The following CTDSPL2 variants were observed in gnomAD, a reference collection of about 807,000 sequenced individuals.
The protein encoded by CTDSPL2 is CTD small phosphatase-like protein 2.
Under a neutral mutation model 60.0 loss-of-function variants are expected in CTDSPL2, and 5 were observed. The observed-to-expected ratio is 0.08, with a 90% CI of 0.04 to 0.18. The LOEUF (loss-of-function observed/expected upper bound fraction) is 0.18. Among genes scored for constraint, CTDSPL2 ranks in the 10% least tolerant of loss-of-function variants. The pLI is 1.00. For synonymous variants in CTDSPL2, 186 were observed against 189.3 expected (o/e 0.98, Z 0.14); for missense variants, 370 against 548.8 (o/e 0.67, Z 3.26).
intron 5 of CTDSPL2, among the ~76,000 whole-genome samples, chr15:44,494,010 A>G (rs1235167935): frequency 2.6e-5 from 4 of 152,202 alleles, no homozygotes; most frequent in Non-Finnish European, 5.9e-5. Context: ...TAATTGCACA[A>G]AAGATTAATT....
In CTDSPL2 at chr15:44,433,459, TACAC is replaced by T. The variant is rs56657073; in HGVS notation, c.-25+5712_-25+5715del. The stretch of plus-strand genomic sequence containing the variant: ...TTTAAATGTTTTATATACATATATA[TACAC>T]ACACACACACACACACACACACACT... On this transcript the variant is annotated intron_variant, in intron 1 of 12. Coordinates refer to ENST00000260327, the MANE Select transcript of CTDSPL2 (RefSeq NM_016396.3). Among the ~76,000 whole-genome samples the T allele has an allele frequency of 6.9e-3, 1,018 of 147,604 alleles. 12 individuals carry two copies. The highest frequency in any genetic ancestry group is 0.021 in the African/African-American group (864 of 40,222).
chr15:44,498,916 G>GT (rs1466620018), intron 7 of CTDSPL2, among the ~76,000 whole-genome samples: 1 of 152,096 alleles, frequency 6.6e-6, no homozygotes, highest in Non-Finnish European at 1.5e-5. Flanking sequence ...TCTACTTAAA[G>GT]TAAGATGCTT....
At position 44,484,301 on chromosome 15, in the gene CTDSPL2, A is replaced by G; in HGVS notation, c.264A>G (p.Arg88=). The G allele has an allele frequency of 6.2e-7, 1 of 1,613,674 alleles. No homozygotes were observed. The highest frequency in any genetic ancestry group is 8.5e-7 in the Non-Finnish European group (1 of 1,179,606). Residue 88 remains arginine, a synonymous_variant, in exon 3 of 13, where the codon AGA becomes AGG. Coordinates refer to ENST00000260327, the MANE Select transcript of CTDSPL2 (RefSeq NM_016396.3). ...ACAATTTGATCACGTCAACACCAAG[A>G]GCAGGAGAAAAACCTAACAAACAGA... The part of the protein sequence containing the change: ...IDNNLITSTP[R]AGEKPNKQIS...
chr15:44,458,087 T>C (rs929287626), intron 1 of CTDSPL2, among the ~76,000 whole-genome samples: 2 of 152,226 alleles, frequency 1.3e-5, no homozygotes, highest in Non-Finnish European at 2.9e-5. Flanking sequence ...TGAATAGCTT[T>C]ATTGTCCTTT....
chr15:44,429,346 C>T (rs908878566), intron 1 of CTDSPL2, among the ~76,000 whole-genome samples: 8 of 152,050 alleles, frequency 5.3e-5, no homozygotes, highest in African/African-American at 1.9e-4. Context: ...AAAATGGAGC[C>T]AAATATGCAA....
intron 1 of CTDSPL2, among the ~76,000 whole-genome samples, chr15:44,455,839 ATTTTTTTTTTTTTTT>A (rs35307134): frequency 1.1e-4 from 5 of 47,510 alleles, no homozygotes; most frequent in South Asian, 9.3e-4. Context: ...TTTATTGAGG[ATTTTTTTTTTTTTTT>A]TTTTTTTTTT....
intron 4 of CTDSPL2, among the ~76,000 whole-genome samples, chr15:44,489,887 C>A (rs770078190): frequency 6.6e-6 from 1 of 151,972 alleles, no homozygotes; most frequent in African/African-American, 2.4e-5. Flanking sequence ...GGAAAACCAG[C>A]GATTGGATAG....
At chr15:44,449,263 G>A (rs1490309269) in intron 1 of CTDSPL2, 1 of 246,296 alleles carries the variant, frequency 4.1e-6, no homozygotes, top group Non-Finnish European at 8.5e-6. Context: ...CTTCCACTCA[G>A]ACTATGCTTG....
Position 44,499,719 on chromosome 15 carries a change from A to G in CTDSPL2, c.883-8A>G, listed in dbSNP as rs1352304176. 6.5e-7 allele frequency: 1 copy of G among 1,532,230 alleles called. No homozygotes were observed. The highest frequency in any genetic ancestry group is 2.3e-5 in the East Asian group (1 of 44,188). 94.9% of individuals were successfully genotyped at this position (1,532,230 alleles called of 1,614,324 possible). On this transcript the variant is annotated splice_polypyrimidine_tract_variant and splice_region_variant and intron_variant, in intron 7 of 12. Transcript: ENST00000260327. ...TTGTTTCATTCAATTTCTGTTTTTT[A>G]TTTTAAGGATGAAACACTAGTGCAT...
chr15:44,490,682 A>C (rs1224692408), intron 4 of CTDSPL2, 102 bp from the exon 5 acceptor site: 1 of 834,500 alleles, frequency 1.2e-6, no homozygotes, highest in African/African-American at 1.7e-5. Context: ...TTCCTGCAGG[A>C]ATGATCAGTC....
At chr15:44,507,927 A>G (rs1186052731) in intron 8 of CTDSPL2, among the ~76,000 whole-genome samples, 1 of 152,184 alleles carries the variant, frequency 6.6e-6, no homozygotes. Context: ...CAACCACCTT[A>G]TGATGTAGAT....
intron 2 of CTDSPL2, among the ~76,000 whole-genome samples, chr15:44,471,243 A>C (rs2080803900): frequency 6.6e-6 from 1 of 152,094 alleles, no homozygotes. Flanking sequence ...TTGTCTATTT[A>C]AGTTGTTTCT....
At chr15:44,442,367 A>G (rs939497905) in intron 1 of CTDSPL2, among the ~76,000 whole-genome samples, 1 of 151,738 alleles carries the variant, frequency 6.6e-6, no homozygotes. Context: ...GAATTGCTTG[A>G]ATCTGGGAGG....
At chr15:44,494,087 T>C (rs541562384) in intron 5 of CTDSPL2, among the ~76,000 whole-genome samples, 1 of 152,264 alleles carries the variant, frequency 6.6e-6, no homozygotes, top group South Asian at 2.1e-4. Flanking sequence ...TTTTATTGGG[T>C]TCTACTTTAA....
intron 1 of CTDSPL2, among the ~76,000 whole-genome samples, chr15:44,429,621 A>G (rs2079816677): frequency 6.6e-6 from 1 of 152,194 alleles, no homozygotes; most frequent in African/African-American, 2.4e-5. Context: ...TAATCCCAGC[A>G]CTTTGGGAGG....
chr15:44,466,510 A>G (rs753525324), intron 2 of CTDSPL2, among the ~76,000 whole-genome samples: 4 of 152,196 alleles, frequency 2.6e-5, no homozygotes, highest in Non-Finnish European at 5.9e-5. Flanking sequence ...TCACTTGACA[A>G]TCTGAAATGC....
intron 4 of CTDSPL2, among the ~76,000 whole-genome samples, chr15:44,489,355 G>C (rs1428010824): frequency 6.6e-6 from 1 of 152,160 alleles, no homozygotes; most frequent in East Asian, 1.9e-4. Context: ...CAGTTTGACA[G>C]TGTATTTAAG....
intron 1 of CTDSPL2, among the ~76,000 whole-genome samples, chr15:44,443,648 C>A (rs185723326): frequency 3.3e-5 from 5 of 151,908 alleles, no homozygotes; most frequent in Non-Finnish European, 5.9e-5. Context: ...TTAGCATTTC[C>A]GTGATAATTA....
At chr15:44,465,354 C>T (rs981764496) in intron 2 of CTDSPL2, among the ~76,000 whole-genome samples, 1 of 152,098 alleles carries the variant, frequency 6.6e-6, no homozygotes, top group African/African-American at 2.4e-5. Context: ...AACAAAATGA[C>T]CTTTTCCTCT....
Sources: allele counts gnomAD v4.1 joint callset (sites outside exome capture counted in the v4.1 genomes callset), GRCh38; gene constraint gnomAD v4.1.1; transcripts MANE v1.5; gene names NCBI Gene and HGNC (gene_info 2026-07-23, HGNC 2026-07-21).